Variants in HEATR4 observed in about 807,000 individuals in gnomAD.
HEATR4 encodes the protein HEAT repeat-containing protein 4.
In HEATR4, 95 loss-of-function variants were observed where a neutral mutation model predicts 108.8. The observed-to-expected ratio is 0.87, with a 90% CI of 0.74 to 1.04. The LOEUF (loss-of-function observed/expected upper bound fraction) is 1.04, where lower values mean the gene tolerates loss of function less well. Ranked by LOEUF, HEATR4 falls within the 50% of genes least tolerant of loss-of-function variation. The pLI is 0.00. For missense variants in HEATR4, 1,152 were observed against 1,253.8 expected (o/e 0.92, Z 1.23); for synonymous variants, 443 against 459.4 (o/e 0.96, Z 0.46).
At chr14:73,594,568 GA>G in the HEATR4 span, among the ~76,000 whole-genome samples, 1 of 152,228 alleles carries the variant, frequency 6.6e-6, no homozygotes, top group East Asian at 1.9e-4. Flanking sequence ...CACATGGGAA[GA>G]AACTCCCCTG....
the HEATR4 span, among the ~76,000 whole-genome samples, chr14:73,570,986 T>G: frequency 6.8e-6 from 1 of 146,178 alleles, no homozygotes. Flanking sequence ...CTTTTTTTTT[T>G]TTTTAAATAA....
At chr14:73,576,853 C>A in the HEATR4 span, among the ~76,000 whole-genome samples, 5 of 133,766 alleles carry the variant, frequency 3.7e-5, no homozygotes, top group Non-Finnish European at 3.2e-5. Context: ...ATAAATAGTT[C>A]CACAATAAAC....
rs182750333 is a variant in HEATR4 at position 73,497,160 on chromosome 14, T to C, written c.2547-481A>G. 9.3e-4 allele frequency among the ~76,000 whole-genome samples: 141 copies of C among 152,320 alleles called. 1 individual carries two copies. In the East Asian group the frequency reaches 0.018, roughly 20 times the overall value. The stretch of plus-strand genomic sequence containing the variant: ...ATCCACCCGCCTTGGCCTCCCAAAG[T>C]GTTGGGGCTACAGGTGTGAGCCACT... On this transcript the variant is annotated intron_variant, in intron 14 of 17. Transcript: ENST00000553558.
chr14:73,579,048 G>A, the HEATR4 span, among the ~76,000 whole-genome samples: 5 of 144,890 alleles, frequency 3.5e-5, no homozygotes, highest in Non-Finnish European at 6.0e-5. Context: ...TCACATCACT[G>A]CACTCTAGCC....
Position 73,509,440 on chromosome 14 carries a change from A to T in HEATR4, c.1592T>A (p.Leu531Gln). 1 of 1,614,148 alleles carries T rather than the reference A, an allele frequency of 6.2e-7. No individual in the cohort carries two copies. Among genetic ancestry groups the T allele is most frequent in the Non-Finnish European group, 8.5e-7 (1 of 1,180,030 alleles). Reference sequence around the variant, plus strand: ...ACAAAGAGCAGCCTCTAGGGCAGGCAGTAGAACCTCCGGCAAGTCCTGGAT... The same window carrying T: ...ACAAAGAGCAGCCTCTAGGGCAGGCTGTAGAACCTCCGGCAAGTCCTGGAT... ...KTIQDLPEVL[L>Q]PALEAALCDK... The change falls in exon 8 of 18, where the codon CTG becomes CAG. Residue 531 changes from leucine (L) to glutamine (Q), a missense_variant. Leu to Gln is a moderately radical substitution (Grantham distance 113). Coordinates refer to ENST00000553558, the MANE Select transcript of HEATR4 (RefSeq NM_001220484.1).
chr14:73,541,954 C>A (rs1305882540), intron 1 of HEATR4, among the ~76,000 whole-genome samples: 2 of 112,730 alleles, frequency 1.8e-5, no homozygotes, highest in Admixed American at 1.0e-4. Flanking sequence ...CTCCCAAGTT[C>A]AAGTGATTCT....
chr14:73,621,234 CG>C, the HEATR4 span, among the ~76,000 whole-genome samples: 49,047 of 151,606 alleles, frequency 0.32, 9,605 homozygotes, highest in East Asian at 0.65. Context: ...TGTCTCTGAA[CG>C]CCAGTCTGAA....
intron 16 of HEATR4, 22 bp from the exon 17 acceptor site, chr14:73,493,146 G>A (rs767809016): frequency 1.9e-6 from 3 of 1,606,194 alleles, no homozygotes; most frequent in South Asian, 2.2e-5. Context: ...AGGAAAAGGA[G>A]AAGTTGGAGG....
chr14:73,577,106 A>G, the HEATR4 span, among the ~76,000 whole-genome samples: 9 of 151,096 alleles, frequency 6.0e-5, no homozygotes, highest in Admixed American at 2.0e-4. Context: ...CTAATTTTTA[A>G]TTTTTTGTAC....
the HEATR4 span, among the ~76,000 whole-genome samples, chr14:73,611,306 G>A: frequency 6.6e-6 from 1 of 152,186 alleles, no homozygotes; most frequent in Admixed American, 6.6e-5. Context: ...TGAAAAACAA[G>A]AGGAGAGTCA....
chr14:73,604,450 C>T, the HEATR4 span, among the ~76,000 whole-genome samples: 141 of 152,076 alleles, frequency 9.3e-4, 1 homozygote, highest in South Asian at 5.2e-3. Context: ...CAGGCATGAG[C>T]CACTGCACCT....
intron 17 of HEATR4, among the ~76,000 whole-genome samples, chr14:73,481,303 G>T (rs1885246520): frequency 6.6e-6 from 1 of 151,754 alleles, no homozygotes; most frequent in Non-Finnish European, 1.5e-5. Context: ...GCGGGGGGTG[G>T]CGGTGCACGC....
chr14:73,509,492 G>GGTAAGAGA lies in HEATR4; in HGVS notation c.1559-27_1559-20dup. ...GTCTTGTCTGTGATCAAAAGAGCCA[G>GGTAAGAGA]GTAAGAGAGTACTAGCCCCTTTGCT... On this transcript the variant is annotated intron_variant, in intron 7 of 17. Coordinates refer to ENST00000553558, the MANE Select transcript of HEATR4 (RefSeq NM_001220484.1). The GGTAAGAGA allele has an allele frequency of 6.2e-7, 1 of 1,612,902 alleles. No homozygotes were observed. The highest frequency in any genetic ancestry group is 8.5e-7 in the Non-Finnish European group (1 of 1,179,658).
At chr14:73,618,357 C>T in the HEATR4 span, among the ~76,000 whole-genome samples, 37 of 146,422 alleles carry the variant, frequency 2.5e-4, no homozygotes, top group Middle Eastern at 3.4e-3. Flanking sequence ...ATCCTGCTTC[C>T]AGGCCCTAAG....
At chr14:73,593,777 T>C in the HEATR4 span, 5 of 1,614,080 alleles carry the variant, frequency 3.1e-6, no homozygotes, top group South Asian at 3.3e-5. Flanking sequence ...GCCAGCCTCC[T>C]TGCTGGCCAT....
Position 73,493,250 on chromosome 14 carries a change from T to C in HEATR4, c.2786-126A>G. The C allele has an allele frequency of 4.1e-6, 3 of 732,562 alleles. 1 individual carries two copies. Among genetic ancestry groups the C allele is most frequent in the Non-Finnish European group, 6.9e-6 (3 of 431,782 alleles). 45.4% of individuals were successfully genotyped at this position (732,562 alleles called of 1,614,324 possible). On this transcript the variant is annotated intron_variant, in intron 16 of 17. Coordinates refer to ENST00000553558, the MANE Select transcript of HEATR4 (RefSeq NM_001220484.1). Reference sequence around the variant, plus strand: ...CTGGGTAACACTGACCATGTCGTTCTGCTTGAGACAGATATTAGATTTTTT... The same window carrying C: ...CTGGGTAACACTGACCATGTCGTTCCGCTTGAGACAGATATTAGATTTTTT...
the HEATR4 span, among the ~76,000 whole-genome samples, chr14:73,623,159 C>T: frequency 6.6e-6 from 1 of 152,036 alleles, no homozygotes; most frequent in African/African-American, 2.4e-5. Flanking sequence ...GATCCGCCCA[C>T]CTCAGCCTCC....
chr14:73,546,083 G>A (rs1889225378), intron 1 of HEATR4, among the ~76,000 whole-genome samples: 1 of 112,858 alleles, frequency 8.9e-6, no homozygotes, highest in Non-Finnish European at 1.9e-5. Flanking sequence ...CTGGGTTCAC[G>A]TGATTCTCCT....
At position 73,506,804 on chromosome 14, in the gene HEATR4, GTTTTTTT is replaced by G. The variant is rs34660727; in HGVS notation, c.1882-240_1882-234del. On this transcript the variant is annotated intron_variant, in intron 9 of 17. Coordinates refer to ENST00000553558, the MANE Select transcript of HEATR4 (RefSeq NM_001220484.1). ...GGACCTTCCTTTCCTGACTTTAACT[GTTTTTTT>G]TTTTTTTTTTTTTTCTGAGAAGGTT... 6.2e-5 allele frequency among the ~76,000 whole-genome samples: 5 copies of G among 80,494 alleles called. 1 individual carries two copies. The highest frequency in any genetic ancestry group is 5.7e-4 in the East Asian group (1 of 1,740). The allele number at this position is 80,494 out of a possible 152,430, so 52.8% of individuals were successfully genotyped here. A position where few individuals can be genotyped will look rare whatever the true frequency, so the allele number is the denominator to read the frequency against.
Sources: allele counts gnomAD v4.1 joint callset (sites outside exome capture counted in the v4.1 genomes callset), GRCh38; gene constraint gnomAD v4.1.1; transcripts MANE v1.5; gene names NCBI Gene and HGNC (gene_info 2026-07-23, HGNC 2026-07-21).